Variants in ARHGAP24 observed in about 807,000 individuals in gnomAD.
ARHGAP24 encodes the protein rho GTPase-activating protein 24.
Under a neutral mutation model 76.4 loss-of-function variants are expected in ARHGAP24, and 50 were observed. That is an observed-to-expected ratio of 0.65 (90% CI 0.52 to 0.83). ARHGAP24 has a LOEUF of 0.83. ARHGAP24 is among the 40% of genes least tolerant of loss of function. ARHGAP24 has a pLI of 0.00. For synonymous variants in ARHGAP24, 345 were observed against 323.3 expected, an observed-to-expected ratio of 1.07 and a Z score of -0.72; for missense variants, 930 against 914.2, an observed-to-expected ratio of 1.02 and a Z score of -0.22.
At chr4:85,484,915 T>C (rs1722959815) in intron 1 of ARHGAP24, among the ~76,000 whole-genome samples, 1 of 152,144 alleles carries the variant, frequency 6.6e-6, no homozygotes, top group South Asian at 2.1e-4. Context: ...TTGGCCATCA[T>C]TTACTGTTGT....
intron 3 of ARHGAP24, chr4:85,779,091 AT>A: frequency 2.9e-6 from 2 of 683,660 alleles, no homozygotes; most frequent in African/African-American, 2.0e-5. Flanking sequence ...CCTTGAAAAT[AT>A]TTTAGCTTTT....
At chr4:85,685,626 C>G (rs552086328) in intron 2 of ARHGAP24, among the ~76,000 whole-genome samples, 1 of 106,390 alleles carries the variant, frequency 9.4e-6, no homozygotes, top group East Asian at 4.5e-4. Context: ...GAGCGAGACT[C>G]TGTCTCAAAA....
At chr4:85,930,968 G>A in intron 4 of ARHGAP24, 2 of 1,613,662 alleles carry the variant, frequency 1.2e-6, no homozygotes, top group Non-Finnish European at 1.7e-6. Context: ...TGCCCGGCTG[G>A]TGCCTTAGCC....
At chr4:85,992,239 C>T (rs955483369) in intron 8 of ARHGAP24, 4 of 396,310 alleles carry the variant, frequency 1.0e-5, no homozygotes, top group South Asian at 1.3e-4. Context: ...TCATTACTGC[C>T]GAGCTAGTCT....
At chr4:85,516,070 A>G (rs920390218) in intron 1 of ARHGAP24, among the ~76,000 whole-genome samples, 5 of 152,324 alleles carry the variant, frequency 3.3e-5, no homozygotes, top group African/African-American at 2.4e-5. Context: ...ATGTTTGCAC[A>G]TTCTTCCCAG....
intron 3 of ARHGAP24, among the ~76,000 whole-genome samples, chr4:85,758,869 G>T (rs938240496): frequency 6.6e-6 from 1 of 152,184 alleles, no homozygotes; most frequent in African/African-American, 2.4e-5. Flanking sequence ...CCCCAGGACC[G>T]TTCCAAGGAA....
intron 3 of ARHGAP24, among the ~76,000 whole-genome samples, chr4:85,774,084 T>C (rs967254690): frequency 2.0e-5 from 3 of 152,170 alleles, no homozygotes; most frequent in Admixed American, 2.0e-4. Flanking sequence ...GGGAAAGCCA[T>C]TCTCTTCCTA....
chr4:85,795,974 T>C (rs2110099497), intron 3 of ARHGAP24, among the ~76,000 whole-genome samples: 1 of 152,290 alleles, frequency 6.6e-6, no homozygotes, highest in Middle Eastern at 3.4e-3. Context: ...TTTGATTGCA[T>C]TGATTCACCA....
chr4:85,910,293 C>T (rs868591181), intron 3 of ARHGAP24, among the ~76,000 whole-genome samples: 13 of 152,336 alleles, frequency 8.5e-5, no homozygotes, highest in African/African-American at 3.1e-4. Context: ...TTCTTTTCTC[C>T]TCTTTGCCTG....
At chr4:85,763,588 G>T (rs1216575253) in intron 3 of ARHGAP24, among the ~76,000 whole-genome samples, 1 of 152,164 alleles carries the variant, frequency 6.6e-6, no homozygotes, top group Non-Finnish European at 1.5e-5. Context: ...AAAGGGGGGT[G>T]TCTGGAATTA....
intron 3 of ARHGAP24, among the ~76,000 whole-genome samples, chr4:85,817,648 C>A (rs1374773777): frequency 6.6e-6 from 1 of 152,162 alleles, no homozygotes; most frequent in African/African-American, 2.4e-5. Flanking sequence ...AGTTTGACAT[C>A]TGATTGTATT....
At chr4:85,614,922 A>C (rs1720499739) in intron 2 of ARHGAP24, among the ~76,000 whole-genome samples, 1 of 152,054 alleles carries the variant, frequency 6.6e-6, no homozygotes, top group Non-Finnish European at 1.5e-5. Flanking sequence ...CTTCTTCATC[A>C]TTACATTGTT....
At chr4:85,627,525 G>C (rs1018439635) in intron 2 of ARHGAP24, among the ~76,000 whole-genome samples, 2 of 152,120 alleles carry the variant, frequency 1.3e-5, no homozygotes, top group Admixed American at 1.3e-4. Flanking sequence ...TGGTCAGGGA[G>C]CCACTTGAGG....
chr4:85,913,969 G>A (rs986506016), intron 3 of ARHGAP24, among the ~76,000 whole-genome samples: 3 of 152,116 alleles, frequency 2.0e-5, no homozygotes, highest in African/African-American at 7.2e-5. Context: ...CAGGGAAAGA[G>A]GTATAATGAA....
At chr4:85,949,188 C>G (rs1308019731) in intron 5 of ARHGAP24, among the ~76,000 whole-genome samples, 1 of 152,152 alleles carries the variant, frequency 6.6e-6, no homozygotes, top group Admixed American at 6.5e-5. Context: ...CAAGCTCTTA[C>G]TAATAGTTTC....
At chr4:85,947,790 T>C (rs147517497) in intron 5 of ARHGAP24, among the ~76,000 whole-genome samples, 2,000 of 152,310 alleles carry the variant, frequency 0.013, 36 homozygotes, top group African/African-American at 0.045. Flanking sequence ...ATTTATTATC[T>C]CCATGTGAGT....
At chr4:85,689,104 A>G (rs567536829) in intron 2 of ARHGAP24, among the ~76,000 whole-genome samples, 38 of 152,290 alleles carry the variant, frequency 2.5e-4, no homozygotes, top group South Asian at 6.2e-4. Flanking sequence ...GTGGTTTGAT[A>G]GGAAATGCAC....
intron 2 of ARHGAP24, among the ~76,000 whole-genome samples, chr4:85,593,093 T>C (rs892253959): frequency 2.0e-5 from 3 of 152,322 alleles, no homozygotes; most frequent in Admixed American, 6.5e-5. Context: ...GGGTTCCTTT[T>C]TCTCCACATT....
intron 1 of ARHGAP24, among the ~76,000 whole-genome samples, chr4:85,536,803 A>C (rs1202775053): frequency 6.6e-6 from 1 of 152,160 alleles, no homozygotes; most frequent in African/African-American, 2.4e-5. Context: ...CTCATTAGGT[A>C]AGTTAGGTGA....
Sources: allele counts gnomAD v4.1 joint callset (sites outside exome capture counted in the v4.1 genomes callset), GRCh38; gene constraint gnomAD v4.1.1; transcripts MANE v1.5; gene names NCBI Gene and HGNC (gene_info 2026-07-23, HGNC 2026-07-21).